UGT1A9: variants seen among roughly 807,000 people sequenced by gnomAD.
UGT1A9 encodes the protein UDP glucuronosyltransferase family 1 member A9, also known as UDP-glucuronosyltransferase 1A9.
In UGT1A9, 35 loss-of-function variants were observed where a neutral mutation model predicts 45.0. That is an observed-to-expected ratio of 0.78 (90% CI 0.59 to 1.03). The LOEUF is 1.03. Among genes scored for constraint, UGT1A9 ranks in the 50% least tolerant of loss-of-function variants. The pLI, the probability that UGT1A9 is intolerant of heterozygous loss-of-function variation, is 0.00. For synonymous variants in UGT1A9, 278 were observed against 250.6 expected, an observed-to-expected ratio of 1.11 and a Z score of -1.03; for missense variants, 687 against 666.6, an observed-to-expected ratio of 1.03 and a Z score of -0.34.
chr2:233,707,721 T>C (rs2075983145), intron 1 of UGT1A9, among the ~76,000 whole-genome samples: 1 of 152,222 alleles, frequency 6.6e-6, no homozygotes, highest in Non-Finnish European at 1.5e-5. Context: ...CTGTGAACAA[T>C]GTTACAACGA....
chr2:233,772,178 T>C, intron 4 of UGT1A9, 84 bp from the exon 5 acceptor site: 1 of 1,584,068 alleles, frequency 6.3e-7, no homozygotes, highest in Non-Finnish European at 8.6e-7. Context: ...AATCTGGTAG[T>C]CTTCTTAAGC....
chr2:233,718,634 G>C (rs2076669947), intron 1 of UGT1A9: 1 of 1,457,400 alleles, frequency 6.9e-7, no homozygotes, highest in Non-Finnish European at 9.2e-7. Flanking sequence ...GTCTTTCCCA[G>C]GGTTGGGCCC....
At chr2:233,714,045 A>G (rs963415304) in intron 1 of UGT1A9, among the ~76,000 whole-genome samples, 1 of 152,156 alleles carries the variant, frequency 6.6e-6, no homozygotes, top group Non-Finnish European at 1.5e-5. Context: ...CAGGGTTTCA[A>G]TGGCCACTGA....
At position 233,743,680 on chromosome 2, in the gene UGT1A9, G is replaced by C. The variant is rs555741522; in HGVS notation, c.856-23354G>C. 7 of 1,367,102 alleles carry C rather than the reference G, an allele frequency of 5.1e-6. No homozygotes were observed. The South Asian group carries it at 6.8e-5, about 13-fold the overall frequency. 84.7% of individuals were successfully genotyped at this position (1,367,102 alleles called of 1,614,324 possible). On this transcript the variant is annotated intron_variant, in intron 1 of 4. Coordinates refer to ENST00000354728, the MANE Select transcript of UGT1A9 (RefSeq NM_021027.3). The stretch of plus-strand genomic sequence containing the variant: ...CGAAGGGGTCCTCGAAGGGCCTGCC[G>C]CCTGTGCAGCCGCCCTCCGCCCCCG...
intron 1 of UGT1A9, among the ~76,000 whole-genome samples, chr2:233,707,341 G>A (rs2075956396): frequency 6.6e-6 from 1 of 152,038 alleles, no homozygotes; most frequent in Non-Finnish European, 1.5e-5. Flanking sequence ...GTGGTTTGCT[G>A]CCCAGATCAA....
rs2074233629 is a variant in UGT1A9 at position 233,672,623 on chromosome 2, T to C, written c.689T>C (p.Ile230Thr). Residue 230 changes from isoleucine (I) to threonine (T), a missense_variant, in exon 1 of 5, where the codon ATA becomes ACA. Ile to Thr is a moderately conservative substitution (Grantham distance 89). Transcript: ENST00000354728. ...CHRFFKNALE[I>T]ASEILQTPVT... ...CGTTTTTTCAAAAATGCCCTAGAAA[T>C]AGCCTCTGAAATTCTCCAAACACCT... 1 of 1,613,774 alleles carries C rather than the reference T, an allele frequency of 6.2e-7. No individual in the cohort carries two copies. Among genetic ancestry groups the C allele is most frequent in the African/African-American group, 1.3e-5 (1 of 74,898 alleles).
intron 1 of UGT1A9, among the ~76,000 whole-genome samples, chr2:233,757,571 A>G (rs112550375): frequency 3.9e-5 from 3 of 77,334 alleles, no homozygotes; most frequent in African/African-American, 1.8e-4. Flanking sequence ...TGTATATATG[A>G]TATAGCTATA....
intron 1 of UGT1A9, among the ~76,000 whole-genome samples, chr2:233,725,186 A>G (rs1269507172): frequency 2.2e-4 from 19 of 86,472 alleles, no homozygotes; most frequent in Admixed American, 2.0e-4. Context: ...GGGGAGAGGC[A>G]GAGGCAGAGG....
rs1268566832 is a variant in UGT1A9, at chr2:233,672,390, C to A, written c.456C>A (p.Asn152Lys). The A allele has an allele frequency of 1.2e-6, 2 of 1,614,076 alleles. No individual in the cohort carries two copies. Among genetic ancestry groups the A allele is most frequent in the Admixed American group, 3.3e-5 (2 of 60,000 alleles). The change falls in exon 1 of 5, where the codon AAC (asparagine) becomes AAA (lysine). Residue 152 changes from asparagine to lysine, a missense_variant. Coordinates refer to ENST00000354728, the MANE Select transcript of UGT1A9 (RefSeq NM_021027.3). Reference protein sequence around the residue: ...FDAVFLDPFDNCGLIVAKYFS... With the variant: ...FDAVFLDPFDKCGLIVAKYFS... ...CAGTGTTTCTCGATCCTTTTGATAA[C>A]TGTGGCTTAATTGTTGCCAAATATT...
chr2:233,711,508 C>A (rs1359627047), intron 1 of UGT1A9, among the ~76,000 whole-genome samples: 1 of 152,188 alleles, frequency 6.6e-6, no homozygotes. Flanking sequence ...CCCTTTCTAG[C>A]GCTCTGTGTC....
At chr2:233,751,502 G>A (rs1015716404) in intron 1 of UGT1A9, among the ~76,000 whole-genome samples, 1 of 152,208 alleles carries the variant, frequency 6.6e-6, no homozygotes, top group Non-Finnish European at 1.5e-5. Flanking sequence ...AGATTTGGGA[G>A]GGGCCAGAGG....
At position 233,713,131 on chromosome 2, in the gene UGT1A9, C is replaced by T. The variant is rs550853040; in HGVS notation, c.855+40342C>T. ...AGCCACTGGCTCAGCATGCGGGAGGCCTTGCGGGACCTCCATGCGAGAGGC... is the reference window on the plus strand; with the variant it reads ...AGCCACTGGCTCAGCATGCGGGAGGTCTTGCGGGACCTCCATGCGAGAGGC... On this transcript the variant is annotated intron_variant, in intron 1 of 4. Transcript: ENST00000354728. The T allele has an allele frequency of 2.1e-4, 341 of 1,613,802 alleles. 2 individuals carry two copies. The South Asian group carries it at 3.5e-3, about 17-fold the overall frequency.
chr2:233,725,694 T>C (rs903551237), intron 1 of UGT1A9, among the ~76,000 whole-genome samples: 1 of 152,238 alleles, frequency 6.6e-6, no homozygotes, highest in African/African-American at 2.4e-5. Context: ...TCAATAGTCA[T>C]ATGTAGTTAG....
chr2:233,713,049 C>T (rs373053318), intron 1 of UGT1A9: 18 of 1,614,092 alleles, frequency 1.1e-5, no homozygotes, highest in Middle Eastern at 3.4e-4. Flanking sequence ...GCTGCTTCTC[C>T]TCAGTGTCCA....
At chr2:233,693,268 G>A in intron 1 of UGT1A9, 1 of 1,614,110 alleles carries the variant, frequency 6.2e-7, no homozygotes, top group Non-Finnish European at 8.5e-7. Flanking sequence ...AAGAGCTGAA[G>A]AACCGTTACC....
intron 1 of UGT1A9, among the ~76,000 whole-genome samples, chr2:233,680,219 T>A (rs1041859800): frequency 6.6e-6 from 1 of 152,186 alleles, no homozygotes; most frequent in Non-Finnish European, 1.5e-5. Flanking sequence ...TATAGTCCCA[T>A]GGTGGTATTC....
chr2:233,751,324 A>C (rs571504836), intron 1 of UGT1A9, among the ~76,000 whole-genome samples: 1 of 151,882 alleles, frequency 6.6e-6, no homozygotes, highest in East Asian at 1.9e-4. Context: ...CTGTACCCCC[A>C]TTGTGTCTTG....
chr2:233,704,587 GAAGA>G (rs1243475624), intron 1 of UGT1A9, among the ~76,000 whole-genome samples: 1 of 152,074 alleles, frequency 6.6e-6, no homozygotes, highest in Admixed American at 6.5e-5. Context: ...GAATCAGAGA[GAAGA>G]AAGAAGAGCA....
At chr2:233,732,043 G>A (rs879000369) in intron 1 of UGT1A9, among the ~76,000 whole-genome samples, 3 of 152,324 alleles carry the variant, frequency 2.0e-5, no homozygotes, top group African/African-American at 7.2e-5. Context: ...CAGTGATGAT[G>A]AGCATTTATT....
Sources: allele counts gnomAD v4.1 joint callset (sites outside exome capture counted in the v4.1 genomes callset), GRCh38; gene constraint gnomAD v4.1.1; transcripts MANE v1.5; gene names NCBI Gene and HGNC (gene_info 2026-07-23, HGNC 2026-07-21).